SCHIP1: variants seen among roughly 807,000 people sequenced by gnomAD.
The protein encoded by SCHIP1 is schwannomin interacting protein 1.
SCHIP1 carries 8 observed loss-of-function variants against 29.7 expected under a neutral mutation model. The observed-to-expected ratio is 0.27, with a 90% confidence interval of 0.16 to 0.49. SCHIP1 has a LOEUF of 0.49. Ranked by LOEUF, SCHIP1 falls within the 20% of genes least tolerant of loss-of-function variation. The probability of loss-of-function intolerance (pLI) is 0.99; values close to 1 mark genes in which losing one functional copy is unlikely to be tolerated. For missense variants in SCHIP1, 193 were observed against 294.6 expected (o/e 0.66, Z 2.52); for synonymous variants, 76 against 94.9 (o/e 0.80, Z 1.16).
the SCHIP1 span, among the ~76,000 whole-genome samples, chr3:159,827,767 T>C: frequency 1.3e-5 from 2 of 149,202 alleles, no homozygotes; most frequent in African/African-American, 5.0e-5. Flanking sequence ...ATTGCGCCAC[T>C]GCAGTCCGCA....
the SCHIP1 span, among the ~76,000 whole-genome samples, chr3:159,304,943 G>A: frequency 6.6e-6 from 1 of 152,038 alleles, no homozygotes; most frequent in Non-Finnish European, 1.5e-5. Context: ...ACACACCCTT[G>A]TGTCTCTCTC....
At chr3:159,707,669 T>A in the SCHIP1 span, among the ~76,000 whole-genome samples, 8 of 152,282 alleles carry the variant, frequency 5.3e-5, no homozygotes, top group African/African-American at 1.2e-4. Context: ...ATGAACGAGA[T>A]CCCATAATTT....
At chr3:159,614,038 C>T in the SCHIP1 span, among the ~76,000 whole-genome samples, 228 of 152,204 alleles carry the variant, frequency 1.5e-3, no homozygotes, top group Middle Eastern at 3.4e-3. Context: ...GGGGTAGGTG[C>T]CATTATTATC....
In SCHIP1 at chr3:159,877,487, G is replaced by A. The variant is rs144700358; in HGVS notation, c.150-8720G>A. The stretch of plus-strand genomic sequence containing the variant: ...CACAAACTAAATCATGAAAGCCAGT[G>A]TTTTTGAGATGAAGCTTACCATGGA... On this transcript the variant is annotated intron_variant, in intron 2 of 6. Transcript: ENST00000445224. 2.2e-3 allele frequency among the ~76,000 whole-genome samples: 335 copies of A among 152,352 alleles called. 1 individual carries two copies. Among genetic ancestry groups the A allele is most frequent in the African/African-American group, 7.6e-3 (317 of 41,574 alleles).
the SCHIP1 span, among the ~76,000 whole-genome samples, chr3:159,369,219 T>A: frequency 1.2e-4 from 19 of 152,350 alleles, no homozygotes; most frequent in South Asian, 3.9e-3. Context: ...ACTATTCACA[T>A]CTATTCCTCT....
chr3:159,459,250 G>C, the SCHIP1 span, among the ~76,000 whole-genome samples: 1 of 152,004 alleles, frequency 6.6e-6, no homozygotes, highest in Non-Finnish European at 1.5e-5. Flanking sequence ...TGGGCCCCAT[G>C]GTGGTTTTAT....
the SCHIP1 span, among the ~76,000 whole-genome samples, chr3:159,384,585 C>T: frequency 2.6e-5 from 4 of 151,454 alleles, no homozygotes; most frequent in Non-Finnish European, 5.9e-5. Flanking sequence ...TTGGTTGTGT[C>T]TCTGCCTGGC....
the SCHIP1 span, among the ~76,000 whole-genome samples, chr3:159,596,851 G>T: frequency 6.6e-6 from 1 of 151,860 alleles, no homozygotes; most frequent in South Asian, 2.1e-4. Flanking sequence ...TAATGTAAAT[G>T]ACGAGTTAAC....
At chr3:159,666,067 A>T in the SCHIP1 span, among the ~76,000 whole-genome samples, 16 of 152,164 alleles carry the variant, frequency 1.1e-4, no homozygotes, top group Admixed American at 1.0e-3. Flanking sequence ...GAGCAATGGA[A>T]CACCTTCCTG....
the SCHIP1 span, among the ~76,000 whole-genome samples, chr3:159,481,588 A>G: frequency 9.9e-5 from 15 of 152,110 alleles, no homozygotes; most frequent in African/African-American, 3.1e-4. Context: ...AAATCTGGCA[A>G]CCTGATCACC....
chr3:159,645,051 A>G, the SCHIP1 span, among the ~76,000 whole-genome samples: 3 of 152,184 alleles, frequency 2.0e-5, no homozygotes, highest in Non-Finnish European at 2.9e-5. Flanking sequence ...CTGCTTTACC[A>G]AACACATACA....
the SCHIP1 span, among the ~76,000 whole-genome samples, chr3:159,360,019 A>G: frequency 5.3e-5 from 8 of 152,308 alleles, no homozygotes; most frequent in South Asian, 1.5e-3. Flanking sequence ...GGGTTTAATA[A>G]ATGACACCTT....
the SCHIP1 span, among the ~76,000 whole-genome samples, chr3:159,287,053 G>A: frequency 6.6e-6 from 1 of 152,074 alleles, no homozygotes; most frequent in Non-Finnish European, 1.5e-5. Context: ...CTTTTACTGT[G>A]CCGAAGCTCT....
chr3:159,721,708 G>T, the SCHIP1 span: 1 of 374,112 alleles, frequency 2.7e-6, no homozygotes, highest in Non-Finnish European at 5.2e-6. Context: ...AAAGTCGGTT[G>T]TGCAGCATAT....
chr3:159,543,188 TTTTTG>T, the SCHIP1 span, among the ~76,000 whole-genome samples: 410 of 151,470 alleles, frequency 2.7e-3, 1 homozygote, highest in African/African-American at 4.4e-3. Flanking sequence ...GCACTTTTAT[TTTTTG>T]TTTTGTTTTG....
the SCHIP1 span, among the ~76,000 whole-genome samples, chr3:159,472,653 G>GGATAAA: frequency 6.6e-6 from 1 of 152,138 alleles, no homozygotes; most frequent in African/African-American, 2.4e-5. Flanking sequence ...ACATTTAGAG[G>GGATAAA]CCCTCGGCGG....
the SCHIP1 span, among the ~76,000 whole-genome samples, chr3:159,439,863 G>A: frequency 6.6e-6 from 1 of 152,054 alleles, no homozygotes; most frequent in Non-Finnish European, 1.5e-5. Context: ...TTGTTTTGCT[G>A]TGCAGAAGCT....
At chr3:159,845,019 T>C (rs532623619) in intron 1 of SCHIP1, among the ~76,000 whole-genome samples, 1 of 152,376 alleles carries the variant, frequency 6.6e-6, no homozygotes, top group East Asian at 1.9e-4. Context: ...AATGCTTCCC[T>C]CTGTTCCTTA....
chr3:159,510,539 G>C, the SCHIP1 span, among the ~76,000 whole-genome samples: 1 of 152,164 alleles, frequency 6.6e-6, no homozygotes, highest in Non-Finnish European at 1.5e-5. Flanking sequence ...AGGAGGAGAG[G>C]CGCTCTGATT....
Sources: gnomAD v4.1 joint callset for allele counts (sites outside exome capture counted in the v4.1 genomes callset) on GRCh38, gnomAD v4.1.1 for gene constraint, MANE v1.5 for transcripts, NCBI Gene and HGNC (gene_info 2026-07-23, HGNC 2026-07-21) for gene names.